Variants in SRBD1 observed in about 807,000 individuals in gnomAD.
The protein encoded by SRBD1 is S1 RNA-binding domain-containing protein 1.
In SRBD1, 88 loss-of-function variants were observed where a neutral mutation model predicts 115.3. The observed-to-expected ratio is 0.76, with a 90% CI of 0.64 to 0.91. The LOEUF is 0.91. Ranked by LOEUF, SRBD1 falls within the 40% of genes least tolerant of loss-of-function variation. The pLI, the probability that SRBD1 is intolerant of heterozygous loss-of-function variation, is 0.00. For missense variants in SRBD1, 1,385 were observed against 1,177.4 expected (o/e 1.18, Z -2.58); for synonymous variants, 509 against 407.7 (o/e 1.25, Z -2.99).
intron 4 of SRBD1, among the ~76,000 whole-genome samples, chr2:45,597,802 A>C (rs1673950884): frequency 6.6e-6 from 1 of 152,186 alleles, no homozygotes; most frequent in South Asian, 2.1e-4. Context: ...TAGAGACAAA[A>C]GGTTAAGGCA....
At chr2:45,418,689 A>C (rs1366229201) in intron 17 of SRBD1, 148 bp from the exon 18 acceptor site, 8 of 669,564 alleles carry the variant, frequency 1.2e-5, no homozygotes, top group South Asian at 3.4e-5. Context: ...AAAAAAAAAC[A>C]AAAAAAAAAC....
chr2:45,451,640 T>C (rs982605059), intron 16 of SRBD1, among the ~76,000 whole-genome samples: 27 of 151,364 alleles, frequency 1.8e-4, no homozygotes, highest in African/African-American at 6.3e-4. Flanking sequence ...TTTAAAATTG[T>C]TCCACAACTT....
chr2:45,413,607 T>C (rs149636928), intron 18 of SRBD1, among the ~76,000 whole-genome samples: 2 of 152,262 alleles, frequency 1.3e-5, no homozygotes, highest in African/African-American at 4.8e-5. Context: ...AAGAATCTAT[T>C]GAGTGTAGAA....
intron 10 of SRBD1, among the ~76,000 whole-genome samples, chr2:45,556,295 A>T (rs959919596): frequency 5.3e-5 from 8 of 152,190 alleles, no homozygotes; most frequent in African/African-American, 1.9e-4. Context: ...CCTTTTTTCA[A>T]TGAAACAAAT....
rs957756683 is a variant in SRBD1, at chr2:45,594,022, G to A, written c.648+5427C>T. On this transcript the variant is annotated intron_variant, in intron 4 of 20. Coordinates refer to ENST00000263736, the MANE Select transcript of SRBD1 (RefSeq NM_018079.5). ...TTCTGTATGTTATACTTCAAAAAAA[G>A]GTTGTTTTTTAAAAAGACCATAATA... Among the ~76,000 whole-genome samples the A allele has an allele frequency of 9.1e-4, 138 of 152,170 alleles. 1 individual carries two copies. The highest frequency in any genetic ancestry group is 2.5e-4 in the Non-Finnish European group (17 of 67,988).
At chr2:45,597,427 A>C (rs1473271167) in intron 4 of SRBD1, among the ~76,000 whole-genome samples, 1 of 152,098 alleles carries the variant, frequency 6.6e-6, no homozygotes, top group African/African-American at 2.4e-5. Context: ...CTCACAAAAA[A>C]AAAAAAAAAT....
chr2:45,508,467 ATGT>A (rs1393821831), intron 14 of SRBD1, among the ~76,000 whole-genome samples: 1 of 152,216 alleles, frequency 6.6e-6, no homozygotes, highest in African/African-American at 2.4e-5. Flanking sequence ...AAAGGACTTG[ATGT>A]TGTCCTAAAA....
In SRBD1 at chr2:45,472,116, C is replaced by T. The variant is rs575586266; in HGVS notation, c.2049+4877G>A. ...ATGAATGAACAAAATATCTCACACA[C>T]CCACACCCACACATACACACACTGG... On this transcript the variant is annotated intron_variant, in intron 16 of 20. Transcript: ENST00000263736. Among the ~76,000 whole-genome samples the T allele has an allele frequency of 2.6e-5, 4 of 152,170 alleles. No homozygotes were observed. In the East Asian group the frequency reaches 5.8e-4, roughly 22 times the overall value.
intron 16 of SRBD1, among the ~76,000 whole-genome samples, chr2:45,473,706 CTGTT>C (rs55900688): frequency 0.32 from 48,783 of 151,784 alleles, 9,153 homozygotes; most frequent in Non-Finnish European, 0.44. Context: ...TGCAGATAAA[CTGTT>C]TGCTCTCTGA....
At chr2:45,570,799 TTTG>T (rs1672982814) in intron 9 of SRBD1, among the ~76,000 whole-genome samples, 1 of 152,098 alleles carries the variant, frequency 6.6e-6, no homozygotes, top group South Asian at 2.1e-4. Flanking sequence ...GGTTGTGTGT[TTTG>T]ATGTCTGGTG....
At chr2:45,472,795 C>A (rs969315000) in intron 16 of SRBD1, among the ~76,000 whole-genome samples, 3 of 152,156 alleles carry the variant, frequency 2.0e-5, no homozygotes, top group African/African-American at 7.2e-5. Context: ...TTGCTCAGGG[C>A]AATCATACTT....
chr2:45,536,974 A>G (rs975133503), intron 14 of SRBD1, among the ~76,000 whole-genome samples: 1 of 152,182 alleles, frequency 6.6e-6, no homozygotes. Context: ...TGTAACCAAA[A>G]CAAATATTCA....
At chr2:45,558,695 T>TA (rs1008203974) in intron 10 of SRBD1, among the ~76,000 whole-genome samples, 1 of 144,606 alleles carries the variant, frequency 6.9e-6, no homozygotes, top group African/African-American at 2.6e-5. Flanking sequence ...ATTTTTTTTT[T>TA]TTTTTTTTTT....
intron 10 of SRBD1, 86 bp downstream of exon 10, chr2:45,562,567 C>A: frequency 9.5e-7 from 1 of 1,048,420 alleles, no homozygotes; most frequent in South Asian, 2.0e-5. Context: ...ACGTAATAGA[C>A]ATCTTTACAT....
intron 16 of SRBD1, among the ~76,000 whole-genome samples, chr2:45,421,696 A>C (rs1433171412): frequency 6.6e-6 from 1 of 152,090 alleles, no homozygotes; most frequent in Admixed American, 6.5e-5. Context: ...CTCTTTACCC[A>C]ACATCAAGGA....
chr2:45,514,323 G>C (rs1054358459), intron 14 of SRBD1, among the ~76,000 whole-genome samples: 7 of 151,966 alleles, frequency 4.6e-5, no homozygotes, highest in Admixed American at 4.6e-4. Context: ...AAATAAGTAG[G>C]GGCCATTTGT....
chr2:45,400,434 C>T (rs560670189), intron 19 of SRBD1, among the ~76,000 whole-genome samples: 1 of 152,246 alleles, frequency 6.6e-6, no homozygotes, highest in East Asian at 1.9e-4. Context: ...AACTCCCTCA[C>T]ACTCCTCCTT....
At chr2:45,571,142 G>T (rs991548597) in intron 9 of SRBD1, among the ~76,000 whole-genome samples, 1 of 152,106 alleles carries the variant, frequency 6.6e-6, no homozygotes, top group African/African-American at 2.4e-5. Flanking sequence ...CATGCAAACA[G>T]GAAGAAAAGG....
chr2:45,471,554 C>T (rs1367299008), intron 16 of SRBD1, among the ~76,000 whole-genome samples: 2 of 152,110 alleles, frequency 1.3e-5, no homozygotes, highest in African/African-American at 4.8e-5. Flanking sequence ...AAAAGAAATG[C>T]ATTTTTACAA....
Sources: allele counts gnomAD v4.1 joint callset (sites outside exome capture counted in the v4.1 genomes callset), GRCh38; gene constraint gnomAD v4.1.1; transcripts MANE v1.5; gene names NCBI Gene and HGNC (gene_info 2026-07-23, HGNC 2026-07-21).